Variants in LY96 observed in about 807,000 individuals in gnomAD.
LY96 encodes the protein myeloid differentiation protein-2.
A neutral mutation model predicts 18.9 loss-of-function variants in LY96; 18 were observed. The observed-to-expected ratio is 0.95, with a 90% confidence interval of 0.66 to 1.41. LY96 has a LOEUF of 1.41. LY96 is among the 40% of genes most tolerant of loss of function. The pLI, the probability that LY96 is intolerant of heterozygous loss-of-function variation, is 0.00. For synonymous variants in LY96, 66 were observed against 62.6 expected (o/e 1.06, Z -0.26); for missense variants, 175 against 182.4 (o/e 0.96, Z 0.23).
the LY96 span, among the ~76,000 whole-genome samples, chr8:74,085,134 T>A: frequency 6.6e-6 from 1 of 152,240 alleles, no homozygotes; most frequent in African/African-American, 2.4e-5. Flanking sequence ...CGGCAGTAAA[T>A]GATTTATGTG....
At chr8:74,081,040 T>TTC in the LY96 span, among the ~76,000 whole-genome samples, 2 of 124,816 alleles carry the variant, frequency 1.6e-5, no homozygotes, top group African/African-American at 4.0e-5. Flanking sequence ...CTTTCTTTCT[T>TTC]TCTTTCTTTT....
the LY96 span, among the ~76,000 whole-genome samples, chr8:74,076,872 A>G: frequency 1.7e-4 from 26 of 152,276 alleles, no homozygotes; most frequent in South Asian, 5.2e-3. Context: ...TTGGCATCAG[A>G]TCCCATAAGT....
At chr8:74,017,966 A>T (rs1216019048) in intron 3 of LY96, among the ~76,000 whole-genome samples, 1 of 152,232 alleles carries the variant, frequency 6.6e-6, no homozygotes, top group Non-Finnish European at 1.5e-5. Flanking sequence ...TGTAGCGACT[A>T]TTGATGCTAG....
At chr8:74,036,310 T>G in the LY96 span, among the ~76,000 whole-genome samples, 1 of 152,344 alleles carries the variant, frequency 6.6e-6, no homozygotes, top group South Asian at 2.1e-4. Context: ...ATGTAGTTTC[T>G]GTAATCCCTT....
the LY96 span, among the ~76,000 whole-genome samples, chr8:74,087,485 G>A: frequency 6.6e-6 from 1 of 152,164 alleles, no homozygotes; most frequent in Non-Finnish European, 1.5e-5. Flanking sequence ...CAGCACTCAG[G>A]CTCCAATCAG....
chr8:74,004,091 G>A (rs1816355655), intron 1 of LY96, among the ~76,000 whole-genome samples: 1 of 152,206 alleles, frequency 6.6e-6, no homozygotes, highest in African/African-American at 2.4e-5. Context: ...TAGGACTGAT[G>A]AGACAGATAT....
chr8:74,058,474 A>T, the LY96 span, among the ~76,000 whole-genome samples: 1 of 152,008 alleles, frequency 6.6e-6, no homozygotes, highest in African/African-American at 2.4e-5. Context: ...AAACAGAAGC[A>T]AAAGGATACT....
At chr8:74,073,773 C>T in the LY96 span, among the ~76,000 whole-genome samples, 21 of 151,808 alleles carry the variant, frequency 1.4e-4, no homozygotes, top group East Asian at 3.3e-3. Context: ...AAGCAATTCT[C>T]CTGCCTCAGC....
At chr8:74,028,044 T>C (rs1816905134) in intron 4 of LY96, among the ~76,000 whole-genome samples, 1 of 152,236 alleles carries the variant, frequency 6.6e-6, no homozygotes, top group South Asian at 2.1e-4. Flanking sequence ...TATTTTGTTA[T>C]GGTTTAAGAA....
intron 2 of LY96, among the ~76,000 whole-genome samples, chr8:74,006,814 C>T (rs1816422118): frequency 6.6e-6 from 1 of 152,200 alleles, no homozygotes; most frequent in Admixed American, 6.5e-5. Context: ...GAATCCCTTG[C>T]CCTTACTCGC....
intron 3 of LY96, among the ~76,000 whole-genome samples, chr8:74,015,464 C>G (rs1023760358): frequency 2.0e-5 from 3 of 152,122 alleles, no homozygotes; most frequent in Non-Finnish European, 4.4e-5. Context: ...CTTCCTGGGT[C>G]CTTTCACTGT....
chr8:74,094,545 C>T, the LY96 span, among the ~76,000 whole-genome samples: 3 of 152,146 alleles, frequency 2.0e-5, no homozygotes, highest in African/African-American at 7.2e-5. Context: ...AGGTAACCTT[C>T]AATCAAGGTT....
At chr8:73,996,372 C>CCTTCCTTTCTTTCTTTCTTTCTTT (rs1816135382) in intron 1 of LY96, among the ~76,000 whole-genome samples, 2 of 111,002 alleles carry the variant, frequency 1.8e-5, no homozygotes, top group Non-Finnish European at 3.7e-5. Flanking sequence ...TTCCTTCATT[C>CCTTCCTTTCTTTCTTTCTTTCTTT]CTTTCTTTCT....
the LY96 span, among the ~76,000 whole-genome samples, chr8:74,098,626 T>A: frequency 2.0e-5 from 3 of 152,206 alleles, no homozygotes; most frequent in Non-Finnish European, 4.4e-5. Context: ...CACCTTGGCC[T>A]CCCAAAGTGC....
chr8:74,098,728 C>T, the LY96 span, among the ~76,000 whole-genome samples: 1 of 152,186 alleles, frequency 6.6e-6, no homozygotes, highest in Non-Finnish European at 1.5e-5. Context: ...AATTCTGTTG[C>T]TCTTGACAGC....
At chr8:74,081,853 C>A in the LY96 span, among the ~76,000 whole-genome samples, 2 of 152,098 alleles carry the variant, frequency 1.3e-5, no homozygotes, top group Non-Finnish European at 2.9e-5. Context: ...GGGGTTTCAC[C>A]ATGCTGGCCA....
the LY96 span, among the ~76,000 whole-genome samples, chr8:74,047,465 AAT>A: frequency 6.6e-6 from 1 of 152,194 alleles, no homozygotes; most frequent in African/African-American, 2.4e-5. Context: ...CAGGAGGAAG[AAT>A]ATCTTAGCAG....
chr8:74,007,355 T>C (rs1816435544), intron 2 of LY96, among the ~76,000 whole-genome samples: 1 of 152,226 alleles, frequency 6.6e-6, no homozygotes, highest in South Asian at 2.1e-4. Flanking sequence ...TGTTTTATAA[T>C]TTCTCACTAA....
At chr8:74,002,093 TTCTC>T (rs376445801) in intron 1 of LY96, among the ~76,000 whole-genome samples, 3,131 of 38,704 alleles carry the variant, frequency 0.081, 586 homozygotes, top group South Asian at 0.17. Flanking sequence ...CTTTCTTTCT[TTCTC>T]TCTCTCTCTC....
Sources: allele counts gnomAD v4.1 joint callset (sites outside exome capture counted in the v4.1 genomes callset), GRCh38; gene constraint gnomAD v4.1.1; transcripts MANE v1.5; gene names NCBI Gene and HGNC (gene_info 2026-07-23, HGNC 2026-07-21).